Variants in PNOC observed in about 807,000 individuals in gnomAD.
PNOC encodes the protein prepronociceptin.
A neutral mutation model predicts 15.6 loss-of-function variants in PNOC; 10 were observed. That is an observed-to-expected ratio of 0.64 (90% confidence interval 0.40 to 1.09). The LOEUF (loss-of-function observed/expected upper bound fraction) is 1.09. Ranked by LOEUF, PNOC falls within the 50% of genes least tolerant of loss-of-function variation. The pLI is 0.01. For synonymous variants in PNOC, 98 were observed against 88.5 expected (o/e 1.11, Z -0.60); for missense variants, 220 against 223.9 (o/e 0.98, Z 0.11).
chr8:28,325,193 C>T (rs1801205318), intron 1 of PNOC, among the ~76,000 whole-genome samples: 8 of 152,130 alleles, frequency 5.3e-5, no homozygotes, highest in Admixed American at 5.2e-4. Flanking sequence ...TCGCTGGCCT[C>T]CCACTATGAT....
At chr8:28,331,465 T>C (rs953797101) in intron 2 of PNOC, among the ~76,000 whole-genome samples, 1 of 152,086 alleles carries the variant, frequency 6.6e-6, no homozygotes, top group Admixed American at 6.6e-5. Flanking sequence ...ATCGCCAAGA[T>C]TCTCTGCTTT....
chr8:28,338,870 A>G lies in PNOC; in HGVS notation c.127-170A>G, dbSNP rs117970796. On this transcript the variant is annotated intron_variant, in intron 2 of 3. Coordinates refer to ENST00000301908, the MANE Select transcript of PNOC (RefSeq NM_006228.5). ...TCAGATGATTCTCTGTTTGTTTCCA[A>G]TTCTGAAATTCTACGAACCTAAAAC... 4.1e-3 allele frequency: 4,169 copies of G among 1,025,824 alleles called. 8 individuals are homozygous for G. Among genetic ancestry groups the G allele is most frequent in the Non-Finnish European group, 4.9e-3 (3,756 of 763,792 alleles). The allele number at this position is 1,025,824 out of a possible 1,614,324, so 63.5% of individuals were successfully genotyped here. A position where few individuals can be genotyped will look rare whatever the true frequency, so the allele number is the denominator to read the frequency against.
chr8:28,334,742 C>T (rs1040273334), intron 2 of PNOC, among the ~76,000 whole-genome samples: 3 of 152,180 alleles, frequency 2.0e-5, no homozygotes, highest in African/African-American at 7.2e-5. Flanking sequence ...GCGCCTCCCT[C>T]CTTGGCCTCC....
intron 1 of PNOC, among the ~76,000 whole-genome samples, chr8:28,321,034 TTTGTTG>T (rs773684714): frequency 2.0e-5 from 3 of 151,754 alleles, no homozygotes; most frequent in African/African-American, 7.3e-5. Flanking sequence ...AGGCAGGTCT[TTTGTTG>T]TTGTTGTTGT....
In PNOC at chr8:28,320,064, T is replaced by TTTTG. The variant is rs1563325326; in HGVS notation, c.-24+2756_-24+2759dup. On this transcript the variant is annotated intron_variant, in intron 1 of 3. Transcript: ENST00000301908. ...ATTTTCCACGATCCTGTGGGGTTTT[T>TTTTG]TTTGTTTGTTTCTTTCTTTCTTTCT... Among the ~76,000 whole-genome samples the TTTTG allele has an allele frequency of 7.5e-4, 112 of 150,084 alleles. No homozygotes were observed. In the East Asian group the frequency reaches 0.013, roughly 17 times the overall value.
At chr8:28,337,300 C>T (rs1046601548) in intron 2 of PNOC, among the ~76,000 whole-genome samples, 6 of 137,754 alleles carry the variant, frequency 4.4e-5, no homozygotes, top group Non-Finnish European at 1.0e-4. Context: ...ATCTGATGCC[C>T]GATCACCTTT....
intron 1 of PNOC, among the ~76,000 whole-genome samples, chr8:28,322,799 C>T (rs1801171201): frequency 6.6e-6 from 1 of 152,196 alleles, no homozygotes; most frequent in Non-Finnish European, 1.5e-5. Context: ...GTCAACACAC[C>T]TGAGTTTAAG....
chr8:28,331,331 A>G (rs569514978), intron 2 of PNOC, among the ~76,000 whole-genome samples: 1 of 152,018 alleles, frequency 6.6e-6, no homozygotes, highest in South Asian at 2.1e-4. Flanking sequence ...CTGAGCTCCT[A>G]CCTTGCTGAT....
chr8:28,342,845 T>C (rs1350420996), intron 3 of PNOC, 97 bp from the exon 4 acceptor site: 2 of 345,366 alleles, frequency 5.8e-6, no homozygotes, highest in Non-Finnish European at 4.1e-6. Flanking sequence ...ATAGCTTTTC[T>C]TTGCCTCCCT....
intron 2 of PNOC, among the ~76,000 whole-genome samples, chr8:28,330,694 G>A (rs1365204587): frequency 1.3e-5 from 2 of 150,738 alleles, no homozygotes; most frequent in South Asian, 4.2e-4. Context: ...GAGCCACCAC[G>A]CCTGGCCTGT....
rs77100796 is a variant in PNOC, at chr8:28,341,021, C to T, written c.*47+1530C>T. On this transcript the variant is annotated intron_variant, in intron 3 of 3. Transcript: ENST00000301908. ...GAACCAGTCAGATCATCAAAATCAC[C>T]CCAAAACATTACCCAAGTGGGGCTT... is the stretch of plus-strand genomic sequence containing the variant. Among the ~76,000 whole-genome samples the T allele has an allele frequency of 6.3e-3, 955 of 152,322 alleles. 8 individuals are homozygous for T. The highest frequency in any genetic ancestry group is 0.014 in the South Asian group (68 of 4,830).
At chr8:28,328,061 T>TC (rs1801255292) in intron 1 of PNOC, among the ~76,000 whole-genome samples, 26 of 56,538 alleles carry the variant, frequency 4.6e-4, no homozygotes, top group East Asian at 9.7e-4. Flanking sequence ...CTCTCTCTCT[T>TC]TTTTTTTTTT....
chr8:28,330,402 T>TTTATTTTA (rs1801309964), intron 2 of PNOC, among the ~76,000 whole-genome samples: 1 of 131,688 alleles, frequency 7.6e-6, no homozygotes, highest in African/African-American at 2.7e-5. Context: ...TTTTATTTTT[T>TTTATTTTA]TTTTTTTTTT....
At chr8:28,328,242 T>C (rs1274730592) in intron 1 of PNOC, among the ~76,000 whole-genome samples, 1 of 151,588 alleles carries the variant, frequency 6.6e-6, no homozygotes, top group Non-Finnish European at 1.5e-5. Flanking sequence ...TATATATATA[T>C]ATTTGTATTT....
At chr8:28,325,869 A>T (rs967373446) in intron 1 of PNOC, among the ~76,000 whole-genome samples, 4 of 152,140 alleles carry the variant, frequency 2.6e-5, no homozygotes, top group African/African-American at 4.8e-5. Context: ...ATCAGATTGG[A>T]GATGGCTTGG....
In PNOC at chr8:28,331,519, C is replaced by T. The variant is rs546155423; in HGVS notation, c.126+2236C>T. Among the ~76,000 whole-genome samples the T allele has an allele frequency of 4.6e-5, 7 of 152,270 alleles. No homozygotes were observed. In the South Asian group the frequency reaches 1.5e-3, roughly 32 times the overall value. On this transcript the variant is annotated intron_variant, in intron 2 of 3. Coordinates refer to ENST00000301908, the MANE Select transcript of PNOC (RefSeq NM_006228.5). Reference sequence around the variant, plus strand: ...CCACCCATACATCCCAGGCCTTCTGCTCCTCCCAGGCTGCAGAAAACTCCT... The same window carrying T: ...CCACCCATACATCCCAGGCCTTCTGTTCCTCCCAGGCTGCAGAAAACTCCT...
chr8:28,321,682 G>T (rs1190787379), intron 1 of PNOC, among the ~76,000 whole-genome samples: 1 of 152,174 alleles, frequency 6.6e-6, no homozygotes, highest in Non-Finnish European at 1.5e-5. Flanking sequence ...AAAAGGTCTT[G>T]CTTAAAATCC....
intron 1 of PNOC, among the ~76,000 whole-genome samples, chr8:28,328,070 T>C (rs1199300756): frequency 1.5e-5 from 2 of 136,768 alleles, no homozygotes; most frequent in Non-Finnish European, 3.1e-5. Flanking sequence ...TTTTTTTTTT[T>C]TTTTTTTTTT....
upstream of PNOC, chr8:28,317,224 G>T (rs1801073166): frequency 6.5e-6 from 1 of 152,962 alleles, no homozygotes; most frequent in Non-Finnish European, 1.5e-5. Context: ...GGAGGGCTGT[G>T]CGTGGGGGAG....
Sources: gnomAD v4.1 joint callset for allele counts (sites outside exome capture counted in the v4.1 genomes callset) on GRCh38, gnomAD v4.1.1 for gene constraint, MANE v1.5 for transcripts, NCBI Gene and HGNC (gene_info 2026-07-23, HGNC 2026-07-21) for gene names.